The following PAPSS1 variants were observed in gnomAD, a reference collection of about 807,000 sequenced individuals.
The protein encoded by PAPSS1 is bifunctional 3'-phosphoadenosine 5'-phosphosulfate synthase 1.
PAPSS1 carries 50 observed loss-of-function variants against 72.0 expected under a neutral mutation model. That is an observed-to-expected ratio of 0.69 (90% confidence interval 0.55 to 0.88). The LOEUF (loss-of-function observed/expected upper bound fraction) is 0.88. PAPSS1 is among the 40% of genes least tolerant of loss of function. PAPSS1 has a pLI of 0.00. For missense variants in PAPSS1, 657 were observed against 782.2 expected (o/e 0.84, Z 1.91); for synonymous variants, 261 against 263.6 (o/e 0.99, Z 0.09).
intron 9 of PAPSS1, among the ~76,000 whole-genome samples, chr4:107,647,074 A>G (rs918597970): frequency 6.6e-6 from 1 of 152,230 alleles, no homozygotes; most frequent in African/African-American, 2.4e-5. Flanking sequence ...CGCCAGGGAC[A>G]GGATGCAAAT....
In PAPSS1 at chr4:107,661,533, T is replaced by C. The variant is rs145052300; in HGVS notation, c.670-1461A>G. ...AGAAGAAATGAGCTCCATGAAAACA[T>C]GGAAGAACCTTAAGTGAGAACTGCT... is the stretch of plus-strand genomic sequence containing the variant. On this transcript the variant is annotated intron_variant, in intron 5 of 11. Coordinates refer to ENST00000265174, the MANE Select transcript of PAPSS1 (RefSeq NM_005443.5). 5.3e-5 allele frequency among the ~76,000 whole-genome samples: 8 copies of C among 152,276 alleles called. No homozygotes were observed. The East Asian group carries it at 1.5e-3, about 29-fold the overall frequency.
At chr4:107,671,960 A>G (rs982271405) in intron 5 of PAPSS1, among the ~76,000 whole-genome samples, 1 of 152,210 alleles carries the variant, frequency 6.6e-6, no homozygotes, top group African/African-American at 2.4e-5. Flanking sequence ...TCTAACGCTG[A>G]TATGGCAAAT....
chr4:107,638,539 T>G (rs1164288288), intron 10 of PAPSS1, among the ~76,000 whole-genome samples: 2 of 152,110 alleles, frequency 1.3e-5, no homozygotes, highest in Admixed American at 1.3e-4. Context: ...GTGAGAACAG[T>G]ATCAGCCCTC....
chr4:107,687,311 GAAA>G (rs898708745), intron 3 of PAPSS1, 134 bp from the exon 4 acceptor site: 9 of 615,294 alleles, frequency 1.5e-5, no homozygotes, highest in Non-Finnish European at 2.3e-5. Flanking sequence ...AATATAAACT[GAAA>G]AAAAAATCCA....
chr4:107,705,247 T>C (rs1354271025), intron 1 of PAPSS1, among the ~76,000 whole-genome samples: 7 of 152,214 alleles, frequency 4.6e-5, no homozygotes, highest in Non-Finnish European at 7.3e-5. Flanking sequence ...GGTTTGGCTA[T>C]GTGTCCCCAC....
At position 107,701,266 on chromosome 4, in the gene PAPSS1, T is replaced by C. The variant is rs761359182; in HGVS notation, c.80A>G (p.Asn27Ser). The change falls in exon 2 of 12, where the codon AAT becomes AGT. Residue 27 changes from asparagine (N) to serine (S), a missense_variant. By Grantham distance (46) the Asn-to-Ser change is conservative. This residue lies in a region of PAPSS1 where 48 missense variants were observed against 31.9 expected (regional missense o/e 1.51). Coordinates refer to ENST00000265174, the MANE Select transcript of PAPSS1 (RefSeq NM_005443.5). ...GACATGATGGGCTTGGTAGGTGACA[T>C]TGGTTGCTCTCTGCATTCCCTAGAA... Reference protein sequence around the residue: ...AQNWGMQRATNVTYQAHHVSR... With the variant: ...AQNWGMQRATSVTYQAHHVSR... The C allele has an allele frequency of 5.0e-6, 8 of 1,613,060 alleles. No individual in the cohort carries two copies. The highest frequency in any genetic ancestry group is 1.1e-5 in the South Asian group (1 of 90,976).
chr4:107,657,024 T>C lies in PAPSS1; in HGVS notation c.784-17A>G. 1 of 1,555,310 alleles carries C rather than the reference T, an allele frequency of 6.4e-7. No individual in the cohort carries two copies. Among genetic ancestry groups the C allele is most frequent in the South Asian group, 1.1e-5 (1 of 89,738 alleles). On this transcript the variant is annotated splice_polypyrimidine_tract_variant and intron_variant, in intron 6 of 11. Coordinates refer to ENST00000265174, the MANE Select transcript of PAPSS1 (RefSeq NM_005443.5). ...CATATCCACCTAGTAAATTTGAAAG[T>C]AAAGCAAAATTTTCTATTGCATGTA...
intron 11 of PAPSS1, among the ~76,000 whole-genome samples, chr4:107,623,008 G>A (rs2110297106): frequency 6.6e-6 from 1 of 152,322 alleles, no homozygotes; most frequent in South Asian, 2.1e-4. Context: ...TACTGACTGT[G>A]CCTCCTGAAG....
At chr4:107,712,766 G>A (rs973845381) in intron 1 of PAPSS1, among the ~76,000 whole-genome samples, 2 of 151,676 alleles carry the variant, frequency 1.3e-5, no homozygotes, top group Non-Finnish European at 2.9e-5. Context: ...CCAGCTACTC[G>A]CAAGGTTGAG....
rs200754136 is a variant in PAPSS1 at position 107,693,840 on chromosome 4, T to C, written c.342A>G (p.Ala114=). The change falls in exon 3 of 12, where the codon GCA becomes GCG. Residue 114 remains alanine (A), a synonymous_variant. Coordinates refer to ENST00000265174, the MANE Select transcript of PAPSS1 (RefSeq NM_005443.5). Reference sequence around the variant, plus strand: ...CATCTGCAAACAGTTTAGCAACTTCTGCGATGCGTCGAACATTCTCTTCTC... The same window carrying C: ...CATCTGCAAACAGTTTAGCAACTTCCGCGATGCGTCGAACATTCTCTTCTC... ...EDREENVRRI[A]EVAKLFADAG... is the part of the protein sequence containing the mutation. 246 of 1,613,864 alleles carry C rather than the reference T, an allele frequency of 1.5e-4. No individual in the cohort carries two copies. The highest frequency in any genetic ancestry group is 2.0e-4 in the Non-Finnish European group (238 of 1,179,888).
intron 5 of PAPSS1, among the ~76,000 whole-genome samples, chr4:107,663,807 T>G (rs1216350363): frequency 5.3e-5 from 8 of 152,280 alleles, no homozygotes; most frequent in Admixed American, 4.6e-4. Flanking sequence ...ATGAGCGAAT[T>G]GAAGTCCAAG....
At chr4:107,678,949 G>A (rs1330754198) in intron 5 of PAPSS1, among the ~76,000 whole-genome samples, 1 of 152,078 alleles carries the variant, frequency 6.6e-6, no homozygotes, top group African/African-American at 2.4e-5. Context: ...GGAGATGAAG[G>A]AAACCCTTTT....
chr4:107,714,439 T>G (rs1413331467), intron 1 of PAPSS1, among the ~76,000 whole-genome samples: 1 of 152,110 alleles, frequency 6.6e-6, no homozygotes, highest in Non-Finnish European at 1.5e-5. Flanking sequence ...AATCACTCCC[T>G]CCATTTGAAC....
chr4:107,703,488 T>C (rs1425694178), intron 1 of PAPSS1, among the ~76,000 whole-genome samples: 1 of 152,106 alleles, frequency 6.6e-6, no homozygotes, highest in Non-Finnish European at 1.5e-5. Context: ...AGTTTTAGAC[T>C]TTCTGATCTT....
intron 10 of PAPSS1, among the ~76,000 whole-genome samples, chr4:107,636,234 G>A (rs570272232): frequency 6.6e-6 from 1 of 152,184 alleles, no homozygotes; most frequent in South Asian, 2.1e-4. Flanking sequence ...TCCTTCAATT[G>A]GGTGTTGTTA....
intron 2 of PAPSS1, among the ~76,000 whole-genome samples, chr4:107,700,563 T>A (rs1433463033): frequency 6.6e-6 from 1 of 152,196 alleles, no homozygotes; most frequent in Non-Finnish European, 1.5e-5. Context: ...GGAAACTTAA[T>A]CCTCAATGCA....
chr4:107,648,142 G>A (rs940142041), intron 9 of PAPSS1, among the ~76,000 whole-genome samples: 1 of 152,164 alleles, frequency 6.6e-6, no homozygotes, highest in African/African-American at 2.4e-5. Flanking sequence ...ACCTAGTCCA[G>A]GAGCCAATAC....
chr4:107,698,855 T>C (rs1443567352), intron 2 of PAPSS1, among the ~76,000 whole-genome samples: 1 of 152,072 alleles, frequency 6.6e-6, no homozygotes, highest in African/African-American at 2.4e-5. Context: ...GCACCAGATT[T>C]TTTTTTTAAC....
At chr4:107,676,471 T>C (rs1727652435) in intron 5 of PAPSS1, among the ~76,000 whole-genome samples, 1 of 152,136 alleles carries the variant, frequency 6.6e-6, no homozygotes, top group African/African-American at 2.4e-5. Context: ...GGAATCCAGC[T>C]TACAAGGGAT....
Sources: gnomAD v4.1 joint callset for allele counts (sites outside exome capture counted in the v4.1 genomes callset) on GRCh38, gnomAD v4.1.1 for gene constraint, gnomAD v4.1.1 regional missense constraint, MANE v1.5 for transcripts, NCBI Gene and HGNC (gene_info 2026-07-23, HGNC 2026-07-21) for gene names.